Variants in TAB2 observed in about 807,000 individuals in gnomAD.
TAB2 encodes the protein TGF-beta activated kinase 1 (MAP3K7) binding protein 2, also known as TGF-beta-activated kinase 1 and MAP3K7-binding protein 2.
A neutral mutation model predicts 65.0 loss-of-function variants in TAB2; 3 were observed. That is an observed-to-expected ratio of 0.05 (90% CI 0.02 to 0.12). The LOEUF is 0.12. Ranked by LOEUF, TAB2 falls within the 10% of genes least tolerant of loss-of-function variation. The pLI is 1.00. For synonymous variants in TAB2, 298 were observed against 285.1 expected, an observed-to-expected ratio of 1.05 and a Z score of -0.46; for missense variants, 623 against 840.3, an observed-to-expected ratio of 0.74 and a Z score of 3.20.
intron 1 of TAB2, among the ~76,000 whole-genome samples, chr6:149,265,819 G>A (rs1778253279): frequency 6.6e-6 from 1 of 152,116 alleles, no homozygotes; most frequent in Non-Finnish European, 1.5e-5. Context: ...TCCACAATCT[G>A]ACACTGACCC....
In TAB2 at chr6:149,394,436, G is replaced by T. The variant is rs59632689; in HGVS notation, c.1604-3168G>T. On this transcript the variant is annotated intron_variant, in intron 3 of 6. Coordinates refer to ENST00000637181, the MANE Select transcript of TAB2 (RefSeq NM_001292034.3). ...CATCATCTTTGAGTATAGTTCTGTT[G>T]ATCACTTTATCTCTTGATGATGAAT... is the stretch of plus-strand genomic sequence containing the variant. Among the ~76,000 whole-genome samples, 766 of 151,894 alleles carry T rather than the reference G, an allele frequency of 5.0e-3. 6 individuals carry two copies. Among genetic ancestry groups the T allele is most frequent in the African/African-American group, 0.018 (745 of 41,400 alleles).
intron 1 of TAB2, among the ~76,000 whole-genome samples, chr6:149,312,079 C>A (rs554853664): frequency 3.3e-5 from 5 of 152,152 alleles, no homozygotes; most frequent in East Asian, 1.9e-4. Context: ...CTAGTCCTGG[C>A]GCAAAGGGTA....
At chr6:149,368,645 T>TTGTGTGTGTGTGTGTG (rs3056968) in intron 1 of TAB2, among the ~76,000 whole-genome samples, 174 of 147,598 alleles carry the variant, frequency 1.2e-3, no homozygotes, top group African/African-American at 3.8e-3. Context: ...ATGCGAAAAT[T>TTGTGTGTGTGTGTGTG]TGTGTGTGTG....
At chr6:149,407,107 T>C (rs1467109499) in intron 6 of TAB2, among the ~76,000 whole-genome samples, 3 of 152,174 alleles carry the variant, frequency 2.0e-5, no homozygotes, top group Admixed American at 6.5e-5. Flanking sequence ...TGAAAAGTTA[T>C]TACAGAGGAT....
At chr6:149,294,525 G>T (rs1254173723) in intron 1 of TAB2, among the ~76,000 whole-genome samples, 2 of 152,208 alleles carry the variant, frequency 1.3e-5, no homozygotes, top group Non-Finnish European at 2.9e-5. Flanking sequence ...TATAACACCA[G>T]TGCTATAAAT....
At chr6:149,343,542 G>A (rs1315527411) in intron 1 of TAB2, among the ~76,000 whole-genome samples, 2 of 151,738 alleles carry the variant, frequency 1.3e-5, no homozygotes, top group Non-Finnish European at 2.9e-5. Flanking sequence ...GGATAGAACC[G>A]AGCAATGTAT....
In TAB2 at chr6:149,394,029, A is replaced by G. The variant is rs577615186; in HGVS notation, c.1604-3575A>G. 6.6e-5 allele frequency among the ~76,000 whole-genome samples: 10 copies of G among 152,026 alleles called. No individual in the cohort carries two copies. In the East Asian group the frequency reaches 1.9e-3, roughly 29 times the overall value. On this transcript the variant is annotated intron_variant, in intron 3 of 6. Coordinates refer to ENST00000637181, the MANE Select transcript of TAB2 (RefSeq NM_001292034.3). The stretch of plus-strand genomic sequence containing the variant: ...TGTTGGAAAATTTTTGGTCTTTATC[A>G]CCTCAGATATTTCTCCTGCCTTTTT...
At chr6:149,232,900 C>G (rs1245491322) in intron 1 of TAB2, among the ~76,000 whole-genome samples, 1 of 152,146 alleles carries the variant, frequency 6.6e-6, no homozygotes, top group East Asian at 1.9e-4. Context: ...TACCCCTGGC[C>G]CATCCTGAGG....
At chr6:149,311,594 T>C (rs530707726) in intron 1 of TAB2, among the ~76,000 whole-genome samples, 1 of 152,350 alleles carries the variant, frequency 6.6e-6, no homozygotes, top group Non-Finnish European at 1.5e-5. Context: ...TTTAACCTCT[T>C]AAACCTCCCT....
intron 1 of TAB2, among the ~76,000 whole-genome samples, chr6:149,335,146 A>G (rs1040702814): frequency 1.1e-4 from 16 of 151,820 alleles, no homozygotes; most frequent in Admixed American, 3.3e-4. Context: ...GTGGAGACCA[A>G]TTCCCCATTT....
At chr6:149,344,103 G>A (rs1452933376) in intron 1 of TAB2, among the ~76,000 whole-genome samples, 1 of 152,130 alleles carries the variant, frequency 6.6e-6, no homozygotes, top group Non-Finnish European at 1.5e-5. Context: ...TTATTTGTTT[G>A]GTGTTTAAAG....
chr6:149,343,748 A>T (rs553514463), intron 1 of TAB2, among the ~76,000 whole-genome samples: 2 of 152,176 alleles, frequency 1.3e-5, no homozygotes, highest in Admixed American at 1.3e-4. Context: ...AGAGAAAGCT[A>T]CTCATGAATG....
At chr6:149,331,036 T>C (rs1480930074) in intron 1 of TAB2, among the ~76,000 whole-genome samples, 1 of 152,138 alleles carries the variant, frequency 6.6e-6, no homozygotes, top group Non-Finnish European at 1.5e-5. Context: ...ATATAGTAAG[T>C]CTTAAAATTA....
intron 1 of TAB2, among the ~76,000 whole-genome samples, chr6:149,293,531 T>A (rs960051217): frequency 6.6e-6 from 1 of 152,196 alleles, no homozygotes; most frequent in Non-Finnish European, 1.5e-5. Flanking sequence ...TCTTTGCACA[T>A]TCCAATAGCA....
intron 1 of TAB2, among the ~76,000 whole-genome samples, chr6:149,293,008 T>G (rs886806821): frequency 1.3e-5 from 2 of 152,196 alleles, no homozygotes; most frequent in African/African-American, 4.8e-5. Context: ...CTGATTGAAA[T>G]GTTGGCAAGT....
chr6:149,286,885 G>T (rs976222135), intron 1 of TAB2, among the ~76,000 whole-genome samples: 1 of 152,154 alleles, frequency 6.6e-6, no homozygotes, highest in Non-Finnish European at 1.5e-5. Flanking sequence ...GGAGGCTGAG[G>T]TGGGTGGATC....
At chr6:149,254,112 A>AGGAC (rs1777951894) in intron 1 of TAB2, among the ~76,000 whole-genome samples, 2 of 132,832 alleles carry the variant, frequency 1.5e-5, no homozygotes. Context: ...GAAGGAAGGA[A>AGGAC]GGACAGGGAA....
chr6:149,342,758 A>C (rs1043289892), intron 1 of TAB2: 3 of 152,236 alleles, frequency 2.0e-5, no homozygotes, highest in Admixed American at 6.5e-5. Flanking sequence ...CAGTTACTTA[A>C]TTAACAATTT....
At chr6:149,284,265 C>T (rs1490364577) in intron 1 of TAB2, among the ~76,000 whole-genome samples, 2 of 152,130 alleles carry the variant, frequency 1.3e-5, no homozygotes, top group Non-Finnish European at 2.9e-5. Flanking sequence ...CTCTTGCCAA[C>T]CTCTACCCGC....
Sources: allele counts gnomAD v4.1 joint callset (sites outside exome capture counted in the v4.1 genomes callset), GRCh38; gene constraint gnomAD v4.1.1; transcripts MANE v1.5; gene names NCBI Gene and HGNC (gene_info 2026-07-23, HGNC 2026-07-21).